PLD1: variants seen among roughly 807,000 people sequenced by gnomAD.
PLD1 encodes the protein phospholipase D1.
PLD1 carries 112 observed loss-of-function variants against 137.1 expected under a neutral mutation model. The observed-to-expected ratio is 0.82, with a 90% confidence interval of 0.70 to 0.96. The LOEUF is 0.96. Ranked by LOEUF, PLD1 falls within the 40% of genes least tolerant of loss-of-function variation. PLD1 has a pLI of 0.00. For synonymous variants in PLD1, 431 were observed against 454.7 expected (o/e 0.95, Z 0.66); for missense variants, 1,321 against 1,342.0 (o/e 0.98, Z 0.24).
Position 171,798,222 on chromosome 3 carries a change from C to G in PLD1, c.-32+12177G>C, listed in dbSNP as rs6765223. 2.6e-3 allele frequency among the ~76,000 whole-genome samples: 392 copies of G among 152,338 alleles called. 3 individuals are homozygous for G. Among genetic ancestry groups the G allele is most frequent in the African/African-American group, 8.6e-3 (356 of 41,584 alleles). ...AAGGGAGTGCTCAGTGAATTACAAT[C>G]ACTTACACATTCTCTACTAAAGGAA... On this transcript the variant is annotated intron_variant, in intron 1 of 26. Transcript: ENST00000351298.
At chr3:171,800,120 A>C (rs1234999630) in intron 1 of PLD1, among the ~76,000 whole-genome samples, 2 of 152,242 alleles carry the variant, frequency 1.3e-5, no homozygotes, top group African/African-American at 4.8e-5. Flanking sequence ...TGTTAATAAT[A>C]GAGGAAACTG....
chr3:171,753,191 C>G (rs1194394913), intron 1 of PLD1, among the ~76,000 whole-genome samples: 1 of 152,204 alleles, frequency 6.6e-6, no homozygotes, highest in Non-Finnish European at 1.5e-5. Context: ...CTGCCAGCCT[C>G]ACTGAGAAAG....
At chr3:171,700,171 C>T in intron 11 of PLD1, among the ~76,000 whole-genome samples, 1 of 151,908 alleles carries the variant, frequency 6.6e-6, no homozygotes, top group Non-Finnish European at 1.5e-5. Context: ...TCTCTCCCAC[C>T]ACAGACTGAA....
intron 1 of PLD1, among the ~76,000 whole-genome samples, chr3:171,780,847 C>T (rs561101894): frequency 5.9e-5 from 9 of 152,166 alleles, no homozygotes; most frequent in African/African-American, 1.2e-4. Flanking sequence ...ACCGTGTTCA[C>T]GGATTAAAAG....
rs570080371 is a variant in PLD1 at position 171,682,335 on chromosome 3, T to C, written c.1867+4350A>G. 5.1e-4 allele frequency among the ~76,000 whole-genome samples: 77 copies of C among 152,324 alleles called. 1 individual carries two copies. The highest frequency in any genetic ancestry group is 1.7e-3 in the African/African-American group (69 of 41,570). On this transcript the variant is annotated intron_variant, in intron 16 of 26. Transcript: ENST00000351298. ...ATATGATTCCTAACCACGTTTTTAGTGCAGTTTTTCTATATAAAAACCCAT... is the reference window on the plus strand; with the variant it reads ...ATATGATTCCTAACCACGTTTTTAGCGCAGTTTTTCTATATAAAAACCCAT...
intron 23 of PLD1, among the ~76,000 whole-genome samples, chr3:171,637,893 T>C (rs1381014078): frequency 1.3e-5 from 2 of 151,856 alleles, no homozygotes; most frequent in African/African-American, 4.8e-5. Flanking sequence ...AATGATACAC[T>C]TAACCAGCTG....
rs1416679449 is a variant in PLD1, at chr3:171,612,222, G to C, written c.2882+57C>G. ...ATGTGCTCAGGGCTAGCGGGGCTGG[G>C]TCCCAGCGACTGCTGCAGTGGAAAT... is the stretch of plus-strand genomic sequence containing the variant. On this transcript the variant is annotated intron_variant, in intron 25 of 26. Coordinates refer to ENST00000351298, the MANE Select transcript of PLD1 (RefSeq NM_002662.5). This position sits in a 1 kb window ranked among gnomAD's most constrained non-coding sequence, Gnocchi z 4.1. The C allele has an allele frequency of 5.1e-6, 8 of 1,553,840 alleles. No individual in the cohort carries two copies. The highest frequency in any genetic ancestry group is 5.3e-6 in the Non-Finnish European group (6 of 1,131,420).
intron 24 of PLD1, among the ~76,000 whole-genome samples, chr3:171,618,713 A>AGTGT (rs529980104): frequency 0.014 from 1,928 of 134,706 alleles, 41 homozygotes; most frequent in African/African-American, 0.036. Context: ...AAATATTAAA[A>AGTGT]GTGTGTATGT....
intron 10 of PLD1, among the ~76,000 whole-genome samples, chr3:171,709,116 T>A (rs1459372698): frequency 6.6e-6 from 1 of 152,208 alleles, no homozygotes; most frequent in South Asian, 2.1e-4. Flanking sequence ...AATTTTCCTA[T>A]CCTGTTGAAC....
chr3:171,734,155 T>C (rs1187694988), intron 5 of PLD1, among the ~76,000 whole-genome samples: 1 of 152,232 alleles, frequency 6.6e-6, no homozygotes, highest in Non-Finnish European at 1.5e-5. Context: ...TATATAATTT[T>C]ATATGTCTAG....
intron 1 of PLD1, among the ~76,000 whole-genome samples, chr3:171,787,292 T>A (rs1723046493): frequency 6.6e-6 from 1 of 152,222 alleles, no homozygotes; most frequent in Non-Finnish European, 1.5e-5. Context: ...TAGGGCATGG[T>A]CATCTCTGTA....
At chr3:171,809,483 C>A (rs957450500) in intron 1 of PLD1, 1 of 152,200 alleles carries the variant, frequency 6.6e-6, no homozygotes, top group Non-Finnish European at 1.5e-5. Flanking sequence ...CTTATCTTAA[C>A]TAAAATTGGC....
intron 1 of PLD1, among the ~76,000 whole-genome samples, chr3:171,800,834 G>A (rs1723614578): frequency 6.6e-6 from 1 of 152,176 alleles, no homozygotes; most frequent in African/African-American, 2.4e-5. Context: ...ACTTAGTGAA[G>A]AGAGTCAGAG....
At chr3:171,613,421 A>G (rs573450335) in intron 24 of PLD1, among the ~76,000 whole-genome samples, 3 of 152,352 alleles carry the variant, frequency 2.0e-5, no homozygotes, top group East Asian at 1.9e-4. Context: ...AGTAGGAAAG[A>G]TGGCTTTGCT....
At chr3:171,682,160 GAAAGAAAAAGAAAGAAA>G in intron 16 of PLD1, among the ~76,000 whole-genome samples, 1 of 47,776 alleles carries the variant, frequency 2.1e-5, no homozygotes, top group Non-Finnish European at 4.2e-5. Flanking sequence ...AAGAAAGAAA[GAAAGAAAAAGAAAGAAA>G]GAAAGAAAGA....
intron 16 of PLD1, among the ~76,000 whole-genome samples, chr3:171,686,463 CTCT>C (rs374009635): frequency 9.8e-4 from 149 of 152,350 alleles, no homozygotes; most frequent in African/African-American, 3.4e-3. Flanking sequence ...CATGCATTTT[CTCT>C]TATTAGGTCT....
At chr3:171,688,960 A>ATCCTGTTTTTGTATATCTTT in intron 13 of PLD1, 84 bp from the exon 14 acceptor site, 1 of 984,430 alleles carries the variant, frequency 1.0e-6, no homozygotes, top group Non-Finnish European at 1.6e-6. Flanking sequence ...TTCTCCCTGA[A>ATCCTGTTTTTGTATATCTTT]AAGCATTTTC....
At chr3:171,676,564 G>C (rs1423460153) in intron 18 of PLD1, 151 bp downstream of exon 18, 8 of 671,330 alleles carry the variant, frequency 1.2e-5, no homozygotes, top group Non-Finnish European at 2.1e-5. Flanking sequence ...CAGATGCCCA[G>C]GCACCCGGAC....
At chr3:171,648,607 T>A (rs1265808906) in intron 21 of PLD1, among the ~76,000 whole-genome samples, 1 of 151,538 alleles carries the variant, frequency 6.6e-6, no homozygotes, top group African/African-American at 2.4e-5. Flanking sequence ...TAGGCTGGAG[T>A]GCCGTGGTGC....
Sources: allele counts gnomAD v4.1 joint callset (sites outside exome capture counted in the v4.1 genomes callset), GRCh38; gene constraint gnomAD v4.1.1; non-coding constraint Gnocchi (gnomAD v3.1); transcripts MANE v1.5; gene names NCBI Gene and HGNC (gene_info 2026-07-23, HGNC 2026-07-21).